The following DENND5B variants were observed in gnomAD, a reference collection of about 807,000 sequenced individuals.
DENND5B encodes the protein DENN domain containing 5B.
Under a neutral mutation model 140.6 loss-of-function variants are expected in DENND5B, and 34 were observed. The observed-to-expected ratio is 0.24, with a 90% CI of 0.18 to 0.32. The LOEUF (loss-of-function observed/expected upper bound fraction) is 0.32, where lower values mean the gene tolerates loss of function less well. Among genes scored for constraint, DENND5B ranks in the 10% least tolerant of loss-of-function variants. The pLI is 1.00. For synonymous variants in DENND5B, 551 were observed against 562.1 expected (o/e 0.98, Z 0.28); for missense variants, 1,142 against 1,560.2 (o/e 0.73, Z 4.52).
intron 1 of DENND5B, among the ~76,000 whole-genome samples, chr12:31,577,449 G>A (rs1400994663): frequency 1.3e-5 from 2 of 152,012 alleles, no homozygotes; most frequent in East Asian, 3.9e-4. Context: ...GGTGGCTCAC[G>A]CCTGTAATCC....
At chr12:31,587,911 G>A (rs1010569991) in intron 1 of DENND5B, among the ~76,000 whole-genome samples, 3 of 152,044 alleles carry the variant, frequency 2.0e-5, no homozygotes, top group Non-Finnish European at 4.4e-5. Flanking sequence ...CCCTGATATA[G>A]TCTACCCAAC....
intron 1 of DENND5B, among the ~76,000 whole-genome samples, chr12:31,579,133 GTAA>G (rs939049469): frequency 6.6e-6 from 1 of 152,052 alleles, no homozygotes; most frequent in African/African-American, 2.4e-5. Context: ...AAAATAAAAG[GTAA>G]CCCAAGAAAC....
intron 1 of DENND5B, among the ~76,000 whole-genome samples, chr12:31,556,018 G>A (rs1949268308): frequency 6.6e-6 from 1 of 152,204 alleles, no homozygotes; most frequent in South Asian, 2.1e-4. Flanking sequence ...GTGAGGTGAT[G>A]CCTCGCCCTG....
At chr12:31,415,258 C>A in intron 12 of DENND5B, 109 bp downstream of exon 12, 1 of 799,940 alleles carries the variant, frequency 1.3e-6, no homozygotes, top group South Asian at 2.0e-5. Flanking sequence ...CTTCAGAATA[C>A]ATAAGCCAAA....
chr12:31,438,282 G>T (rs1401669909), intron 7 of DENND5B, among the ~76,000 whole-genome samples: 1 of 152,118 alleles, frequency 6.6e-6, no homozygotes, highest in South Asian at 2.1e-4. Flanking sequence ...CAATATTCCA[G>T]ATTTTTAAAG....
At chr12:31,514,615 A>G (rs1376830025) in intron 1 of DENND5B, among the ~76,000 whole-genome samples, 1 of 152,076 alleles carries the variant, frequency 6.6e-6, no homozygotes, top group Admixed American at 6.5e-5. Context: ...TAGGAGTTTG[A>G]GACCAGCCTG....
intron 2 of DENND5B, among the ~76,000 whole-genome samples, chr12:31,494,134 T>C (rs1946644474): frequency 6.6e-6 from 1 of 150,770 alleles, no homozygotes; most frequent in South Asian, 2.1e-4. Flanking sequence ...ACTATCTCTC[T>C]ATCTTCTATC....
At chr12:31,421,199 C>G (rs542326444) in intron 11 of DENND5B, among the ~76,000 whole-genome samples, 2 of 151,894 alleles carry the variant, frequency 1.3e-5, no homozygotes, top group East Asian at 3.9e-4. Context: ...ACCTGCCACC[C>G]ATGCCTGGCT....
intron 7 of DENND5B, among the ~76,000 whole-genome samples, chr12:31,438,860 G>A (rs542274687): frequency 2.6e-5 from 4 of 151,938 alleles, no homozygotes; most frequent in South Asian, 2.1e-4. Flanking sequence ...ACTAGCTAAC[G>A]GACTTATATA....
intron 1 of DENND5B, among the ~76,000 whole-genome samples, chr12:31,505,152 T>G (rs1178521821): frequency 6.6e-6 from 1 of 152,178 alleles, no homozygotes; most frequent in African/African-American, 2.4e-5. Context: ...CCTGACTATA[T>G]CGTACCTTCT....
intron 1 of DENND5B, among the ~76,000 whole-genome samples, chr12:31,575,783 T>A (rs1180476180): frequency 6.6e-6 from 1 of 151,924 alleles, no homozygotes; most frequent in Non-Finnish European, 1.5e-5. Flanking sequence ...TGTGACCCCA[T>A]GTCTACAAAA....
intron 5 of DENND5B, 36 bp from the exon 6 acceptor site, chr12:31,447,805 G>C (rs1484454623): frequency 7.0e-7 from 1 of 1,432,678 alleles, no homozygotes; most frequent in South Asian, 1.2e-5. Flanking sequence ...TTAGTGCAAA[G>C]AGACCATCTC....
chr12:31,570,339 C>T (rs1289610536), intron 1 of DENND5B, among the ~76,000 whole-genome samples: 2 of 149,410 alleles, frequency 1.3e-5, no homozygotes, highest in East Asian at 2.0e-4. Context: ...TGCAGTGGCA[C>T]GACTTTGGCT....
At chr12:31,520,307 T>C (rs1382644432) in intron 1 of DENND5B, among the ~76,000 whole-genome samples, 1 of 152,208 alleles carries the variant, frequency 6.6e-6, no homozygotes, top group Non-Finnish European at 1.5e-5. Context: ...CTTTTTAACC[T>C]TGTTTCCAAA....
intron 17 of DENND5B, among the ~76,000 whole-genome samples, chr12:31,395,942 C>CAAAAAAAAAA (rs541816511): frequency 3.3e-5 from 3 of 91,758 alleles, no homozygotes; most frequent in East Asian, 6.5e-4. Flanking sequence ...ATCACTGGGC[C>CAAAAAAAAAA]AAAAAAAAAA....
chr12:31,399,147 A>C (rs1941652729), intron 16 of DENND5B, among the ~76,000 whole-genome samples: 1 of 16,332 alleles, frequency 6.1e-5, no homozygotes, highest in African/African-American at 1.3e-4. Flanking sequence ...AAAAAAAAAG[A>C]GAGAGAAAGA....
chr12:31,410,299 T>C (rs1489258691), intron 13 of DENND5B, among the ~76,000 whole-genome samples: 1 of 152,234 alleles, frequency 6.6e-6, no homozygotes, highest in Non-Finnish European at 1.5e-5. Context: ...AAAGATTTCA[T>C]TAAACACTTA....
intron 3 of DENND5B, among the ~76,000 whole-genome samples, chr12:31,472,643 A>G (rs1207539328): frequency 6.6e-6 from 1 of 152,020 alleles, no homozygotes; most frequent in African/African-American, 2.4e-5. Context: ...GACTATAAGG[A>G]CCCTCAGATG....
intron 1 of DENND5B, among the ~76,000 whole-genome samples, chr12:31,569,387 C>T (rs1321375316): frequency 2.0e-5 from 3 of 152,132 alleles, no homozygotes; most frequent in African/African-American, 7.2e-5. Flanking sequence ...ATGTGTGTAA[C>T]ATATATATCT....
Sources: gnomAD v4.1 joint callset for allele counts (sites outside exome capture counted in the v4.1 genomes callset) on GRCh38, gnomAD v4.1.1 for gene constraint, MANE v1.5 for transcripts, NCBI Gene and HGNC (gene_info 2026-07-23, HGNC 2026-07-21) for gene names.